Variants in ZNF423 observed in about 807,000 individuals in gnomAD.
The protein encoded by ZNF423 is Ebf-associated zinc finger protein.
Under a neutral mutation model 95.8 loss-of-function variants are expected in ZNF423, and 12 were observed. The ratio of observed to expected loss-of-function variants is 0.13; its 90% confidence interval spans 0.08 to 0.20. The LOEUF is 0.20. Ranked by LOEUF, ZNF423 falls within the 10% of genes least tolerant of loss-of-function variation. ZNF423 has a pLI of 1.00. For synonymous variants in ZNF423, 749 were observed against 711.9 expected, an observed-to-expected ratio of 1.05 and a Z score of -0.83; for missense variants, 1,316 against 1,737.1, an observed-to-expected ratio of 0.76 and a Z score of 4.31.
At chr16:49,819,322 T>C (rs938135643) in intron 1 of ZNF423, among the ~76,000 whole-genome samples, 1 of 151,890 alleles carries the variant, frequency 6.6e-6, no homozygotes, top group South Asian at 2.1e-4. Flanking sequence ...AACCCATATG[T>C]GGCTAGTGGC....
chr16:49,503,455 T>C (rs937858403), intron 7 of ZNF423, among the ~76,000 whole-genome samples: 3 of 152,106 alleles, frequency 2.0e-5, no homozygotes, highest in Admixed American at 1.3e-4. Context: ...AGCCACCACC[T>C]TCTGCCAGGC....
intron 1 of ZNF423, among the ~76,000 whole-genome samples, chr16:49,798,143 G>A (rs183701050): frequency 7.7e-4 from 117 of 152,302 alleles, no homozygotes; most frequent in South Asian, 1.9e-3. Context: ...CCAGGAGTTC[G>A]AGGCTGCAGT....
intron 1 of ZNF423, among the ~76,000 whole-genome samples, chr16:49,852,516 C>T (rs953908109): frequency 6.6e-6 from 1 of 151,976 alleles, no homozygotes; most frequent in Non-Finnish European, 1.5e-5. Context: ...CTGATATCAT[C>T]GGCCGAAATA....
At chr16:49,496,697 C>T (rs1967178668) in intron 7 of ZNF423, among the ~76,000 whole-genome samples, 3 of 152,328 alleles carry the variant, frequency 2.0e-5, no homozygotes, top group South Asian at 2.1e-4. Flanking sequence ...TGCCTGCATA[C>T]GTCCCAGTCT....
intron 5 of ZNF423, among the ~76,000 whole-genome samples, chr16:49,547,023 AAAAC>A (rs947595135): frequency 2.6e-5 from 4 of 152,048 alleles, no homozygotes; most frequent in Admixed American, 2.0e-4. Flanking sequence ...AAAAAAAAAA[AAAAC>A]AATCAGCCAG....
intron 3 of ZNF423, among the ~76,000 whole-genome samples, chr16:49,691,377 G>T (rs2031774274): frequency 6.6e-6 from 1 of 152,186 alleles, no homozygotes; most frequent in Non-Finnish European, 1.5e-5. Context: ...ACACATCCTG[G>T]CTGGGTGATC....
chr16:49,803,548 C>A (rs1423023629), intron 1 of ZNF423, among the ~76,000 whole-genome samples: 2 of 152,094 alleles, frequency 1.3e-5, no homozygotes, highest in Admixed American at 6.6e-5. Context: ...CTTTAACAAG[C>A]ACTGAGCACC....
At position 49,570,530 on chromosome 16, in the gene ZNF423, G is replaced by C. The variant is rs191265332; in HGVS notation, c.3602-45036C>G. 4.3e-4 allele frequency among the ~76,000 whole-genome samples: 66 copies of C among 152,160 alleles called. 1 individual carries two copies. The highest frequency in any genetic ancestry group is 1.6e-3 in the African/African-American group (65 of 41,450). ...TCATTTTTAGCTCGTAGGGAGTCAAGAGAGGTGCCTCCTAATGAAGAATGA... is the reference window on the plus strand; with the variant it reads ...TCATTTTTAGCTCGTAGGGAGTCAACAGAGGTGCCTCCTAATGAAGAATGA... On this transcript the variant is annotated intron_variant, in intron 5 of 7. Transcript: ENST00000563137.
chr16:49,753,867 C>T (rs2033675993), intron 2 of ZNF423, among the ~76,000 whole-genome samples: 1 of 152,042 alleles, frequency 6.6e-6, no homozygotes, highest in African/African-American at 2.4e-5. Context: ...CCCGTCTCTA[C>T]TAAAAGTACA....
intron 3 of ZNF423, among the ~76,000 whole-genome samples, chr16:49,677,610 C>A (rs1056761701): frequency 9.2e-5 from 14 of 151,800 alleles, no homozygotes; most frequent in African/African-American, 3.4e-4. Flanking sequence ...TGCAGTGAGA[C>A]CCTGTCTCTA....
intron 2 of ZNF423, among the ~76,000 whole-genome samples, chr16:49,734,243 C>G (rs1354851620): frequency 6.6e-6 from 1 of 152,240 alleles, no homozygotes; most frequent in Non-Finnish European, 1.5e-5. Context: ...CCAGCTCCGC[C>G]TGTCCTGTGT....
chr16:49,834,818 G>A (rs989169300), intron 1 of ZNF423, among the ~76,000 whole-genome samples: 7 of 151,960 alleles, frequency 4.6e-5, no homozygotes, highest in African/African-American at 7.2e-5. Flanking sequence ...GATCAGAGCC[G>A]CCGGCTGTGC....
At chr16:49,511,062 G>A (rs1460526562) in intron 7 of ZNF423, among the ~76,000 whole-genome samples, 14 of 152,170 alleles carry the variant, frequency 9.2e-5, no homozygotes, top group Non-Finnish European at 1.8e-4. Flanking sequence ...TCCCCACCTG[G>A]GCCTCCACAC....
At chr16:49,724,670 C>T (rs564434795) in intron 3 of ZNF423, among the ~76,000 whole-genome samples, 34 of 152,338 alleles carry the variant, frequency 2.2e-4, no homozygotes, top group African/African-American at 7.5e-4. Context: ...CAGCACCAGC[C>T]CTGTAATTGG....
chr16:49,763,148 G>T (rs762172905), intron 2 of ZNF423, among the ~76,000 whole-genome samples: 1 of 152,204 alleles, frequency 6.6e-6, no homozygotes, highest in Non-Finnish European at 1.5e-5. Context: ...GATTACAGGC[G>T]TGAGTCACTG....
At chr16:49,705,027 C>T (rs942306892) in intron 3 of ZNF423, among the ~76,000 whole-genome samples, 5 of 152,134 alleles carry the variant, frequency 3.3e-5, no homozygotes, top group East Asian at 3.8e-4. Context: ...CTTTGTTGCC[C>T]GAGCTATTGG....
chr16:49,821,887 G>A (rs112245057), intron 1 of ZNF423, among the ~76,000 whole-genome samples: 163 of 152,272 alleles, frequency 1.1e-3, no homozygotes, highest in African/African-American at 3.6e-3. Flanking sequence ...GCTCAAAGGC[G>A]GTGAGGTCTG....
At chr16:49,537,017 C>T (rs2151730769) in intron 5 of ZNF423, among the ~76,000 whole-genome samples, 1 of 152,344 alleles carries the variant, frequency 6.6e-6, no homozygotes, top group African/African-American at 2.4e-5. Context: ...AACACCTCAG[C>T]CCTTTTGCTG....
chr16:49,695,250 A>G (rs1438296754), intron 3 of ZNF423, among the ~76,000 whole-genome samples: 1 of 152,210 alleles, frequency 6.6e-6, no homozygotes, highest in South Asian at 2.1e-4. Flanking sequence ...AGTAGCTGGC[A>G]TTATAGGTAT....
Sources: allele counts gnomAD v4.1 joint callset (sites outside exome capture counted in the v4.1 genomes callset), GRCh38; gene constraint gnomAD v4.1.1; transcripts MANE v1.5; gene names NCBI Gene and HGNC (gene_info 2026-07-23, HGNC 2026-07-21).